The following CACNA2D3 variants were observed in gnomAD, a reference collection of about 807,000 sequenced individuals.
CACNA2D3 encodes the protein calcium voltage-gated channel auxiliary subunit alpha2delta 3, also known as voltage-dependent calcium channel subunit alpha-2/delta-3.
A neutral mutation model predicts 160.6 loss-of-function variants in CACNA2D3; 60 were observed. The observed-to-expected ratio is 0.37, with a 90% CI of 0.30 to 0.46. The LOEUF (loss-of-function observed/expected upper bound fraction) is 0.46. Ranked by LOEUF, CACNA2D3 falls within the 20% of genes least tolerant of loss-of-function variation. CACNA2D3 has a pLI of 1.00. For missense variants in CACNA2D3, 1,205 were observed against 1,365.0 expected (o/e 0.88, Z 1.85); for synonymous variants, 558 against 492.9 (o/e 1.13, Z -1.75).
At chr3:54,731,415 C>CT (rs1175202401) in intron 11 of CACNA2D3, among the ~76,000 whole-genome samples, 1 of 152,156 alleles carries the variant, frequency 6.6e-6, no homozygotes, top group Non-Finnish European at 1.5e-5. Flanking sequence ...TTTAAAGACT[C>CT]TATGTACCCC....
intron 29 of CACNA2D3, among the ~76,000 whole-genome samples, chr3:54,981,954 G>A (rs2107097588): frequency 6.6e-6 from 1 of 152,306 alleles, no homozygotes. Context: ...GCAGGGTGGG[G>A]AAAGTGAAGA....
At chr3:54,206,149 T>C (rs750854512) in intron 2 of CACNA2D3, among the ~76,000 whole-genome samples, 15 of 152,318 alleles carry the variant, frequency 9.8e-5, no homozygotes, top group Admixed American at 8.5e-4. Context: ...GGGTACTTCA[T>C]TGGGAAAGGG....
intron 5 of CACNA2D3, among the ~76,000 whole-genome samples, chr3:54,526,891 A>G (rs1701731374): frequency 6.6e-6 from 1 of 152,288 alleles, no homozygotes; most frequent in South Asian, 2.1e-4. Flanking sequence ...GGGTTTCACC[A>G]TGTTGGTTAG....
At chr3:55,051,598 G>T (rs1231964900) in intron 35 of CACNA2D3, among the ~76,000 whole-genome samples, 3 of 152,000 alleles carry the variant, frequency 2.0e-5, no homozygotes, top group Non-Finnish European at 4.4e-5. Context: ...GGCTACAGAG[G>T]CAGGCAGGCC....
intron 2 of CACNA2D3, among the ~76,000 whole-genome samples, chr3:54,180,299 G>T (rs1471912107): frequency 2.0e-5 from 3 of 152,096 alleles, no homozygotes; most frequent in Non-Finnish European, 4.4e-5. Context: ...CCCATCTGCT[G>T]TGCACTTGCT....
intron 9 of CACNA2D3, among the ~76,000 whole-genome samples, chr3:54,602,087 T>A (rs12489685): frequency 0.26 from 40,191 of 152,082 alleles, 6,405 homozygotes; most frequent in Admixed American, 0.43. Flanking sequence ...CTGGTTCCTG[T>A]CCCTGTGTCT....
At chr3:54,144,936 T>C (rs983021144) in intron 2 of CACNA2D3, among the ~76,000 whole-genome samples, 1 of 152,230 alleles carries the variant, frequency 6.6e-6, no homozygotes, top group African/African-American at 2.4e-5. Context: ...TTTAACAGAA[T>C]TTAAAGATAT....
intron 20 of CACNA2D3, among the ~76,000 whole-genome samples, chr3:54,880,340 G>A (rs545206232): frequency 8.5e-5 from 13 of 152,374 alleles, no homozygotes; most frequent in Admixed American, 7.8e-4. Context: ...CTGCAACACA[G>A]TAATGTGGTT....
In CACNA2D3 at chr3:54,503,659, G is replaced by C. The variant is rs775282414; in HGVS notation, c.544+5G>C. The C allele has an allele frequency of 6.2e-7, 1 of 1,613,100 alleles. No homozygotes were observed. Among genetic ancestry groups the C allele is most frequent in the Non-Finnish European group, 8.5e-7 (1 of 1,179,256 alleles). On this transcript the variant is annotated splice_donor_5th_base_variant and intron_variant, in intron 5 of 37. Coordinates refer to ENST00000474759, the MANE Select transcript of CACNA2D3 (RefSeq NM_018398.3). ...CAACGAACATGTACAACAAAGGTAA[G>C]ACTCCCAGCCACTGCTCCTTTTAGA...
chr3:54,695,819 A>T (rs1237232388), intron 11 of CACNA2D3, among the ~76,000 whole-genome samples: 1 of 152,130 alleles, frequency 6.6e-6, no homozygotes, highest in African/African-American at 2.4e-5. Context: ...ATGGATATTA[A>T]CTTTTGTCAT....
At chr3:54,737,305 C>A (rs868320213) in intron 11 of CACNA2D3, among the ~76,000 whole-genome samples, 1 of 151,462 alleles carries the variant, frequency 6.6e-6, no homozygotes, top group Non-Finnish European at 1.5e-5. Flanking sequence ...GAGGCCAAGG[C>A]AGAGACTAAA....
At chr3:54,346,446 T>G (rs1457428134) in intron 3 of CACNA2D3, among the ~76,000 whole-genome samples, 1 of 152,214 alleles carries the variant, frequency 6.6e-6, no homozygotes, top group African/African-American at 2.4e-5. Context: ...AGATGTTAAT[T>G]GTATTTGGGA....
At chr3:55,024,312 G>T (rs1028053353) in intron 35 of CACNA2D3, among the ~76,000 whole-genome samples, 10 of 151,612 alleles carry the variant, frequency 6.6e-5, no homozygotes, top group Non-Finnish European at 1.3e-4. Context: ...TGTGAATTTA[G>T]CGTAATGCCT....
chr3:54,969,819 A>G lies in CACNA2D3; in HGVS notation c.2531A>G (p.Lys844Arg), dbSNP rs1343552240. The change falls in exon 29 of 38, where the codon AAA becomes AGA. Residue 844 changes from lysine to arginine, a missense_variant. Lys to Arg is a conservative substitution (Grantham distance 26). This residue lies in a region of CACNA2D3 where 911 missense variants were observed against 1,002.2 expected (regional missense o/e 0.91). Transcript: ENST00000474759. ...TCACAGTGTGCTTCCCTGGATGGCA[A>G]ATGCTCCATCAGCTGTGATGATGAG... The part of the protein sequence containing the change: ...ASRQCASLDG[K>R]CSISCDDETV... 2.5e-6 allele frequency: 4 copies of G among 1,613,296 alleles called. No individual in the cohort carries two copies. The highest frequency in any genetic ancestry group is 1.3e-5 in the African/African-American group (1 of 74,862).
At chr3:54,289,693 G>C (rs368785443) in intron 2 of CACNA2D3, among the ~76,000 whole-genome samples, 80 of 152,240 alleles carry the variant, frequency 5.3e-4, no homozygotes, top group East Asian at 1.7e-3. Context: ...CAGCATGGTA[G>C]TGGTACCAAA....
rs1446227184 is a variant in CACNA2D3, at chr3:54,752,648, A to G, written c.1217A>G (p.Asn406Ser). 13 of 1,613,402 alleles carry G rather than the reference A, an allele frequency of 8.1e-6. No homozygotes were observed. Among genetic ancestry groups the G allele is most frequent in the Non-Finnish European group, 1.1e-5 (13 of 1,179,714 alleles). Residue 406 changes from asparagine (N) to serine (S), a missense_variant, in exon 12 of 38, where the codon AAT (asparagine) becomes AGT (serine). Physicochemically the swap from Asn to Ser is conservative, Grantham distance 46 (BLOSUM62 1). Around this residue, in one of 3 missense-constraint regions of CACNA2D3, gnomAD observed 911 missense variants for 1,002.2 expected, o/e 0.91. Transcript: ENST00000474759. ...LIGREAAFADNLKWMACANKG... is the reference protein window; with the variant it reads ...LIGREAAFADSLKWMACANKG... ...GGACGAGAGGCTGCGTTTGCAGACA[A>G]TCTAAAGTGGATGGCCTGTGCCAAC...
chr3:54,608,022 G>A (rs1457625981), intron 9 of CACNA2D3, among the ~76,000 whole-genome samples: 7 of 152,190 alleles, frequency 4.6e-5, no homozygotes, highest in East Asian at 1.9e-4. Flanking sequence ...AGTATAGGGC[G>A]ATAAAGGGTT....
At chr3:54,293,609 A>G (rs1703262076) in intron 2 of CACNA2D3, among the ~76,000 whole-genome samples, 1 of 151,994 alleles carries the variant, frequency 6.6e-6, no homozygotes. Flanking sequence ...GTGGAATACT[A>G]TTCAGTAATA....
At chr3:54,693,863 A>G (rs1700610451) in intron 11 of CACNA2D3, among the ~76,000 whole-genome samples, 1 of 152,208 alleles carries the variant, frequency 6.6e-6, no homozygotes, top group Non-Finnish European at 1.5e-5. Context: ...ATTTTTGTAC[A>G]GCTGTACGAT....
Sources: allele counts gnomAD v4.1 joint callset (sites outside exome capture counted in the v4.1 genomes callset), GRCh38; gene constraint gnomAD v4.1.1; regional missense constraint gnomAD v4.1.1; transcripts MANE v1.5; gene names NCBI Gene and HGNC (gene_info 2026-07-23, HGNC 2026-07-21).